AOPEP: variants seen among roughly 807,000 people sequenced by gnomAD.
The protein encoded by AOPEP is aminopeptidase O.
AOPEP carries 77 observed loss-of-function variants against 98.1 expected under a neutral mutation model. That is an observed-to-expected ratio of 0.78 (90% CI 0.65 to 0.95). The LOEUF is 0.95. Among genes scored for constraint, AOPEP ranks in the 40% least tolerant of loss-of-function variants. The probability of loss-of-function intolerance (pLI) is 0.00; values close to 1 mark genes in which losing one functional copy is unlikely to be tolerated. For synonymous variants in AOPEP, 346 were observed against 365.3 expected (o/e 0.95, Z 0.60); for missense variants, 1,024 against 1,024.7 (o/e 1.00, Z 0.01).
intron 5 of AOPEP, among the ~76,000 whole-genome samples, chr9:94,863,235 C>CCCTCCCCTCT (rs1489699739): frequency 6.6e-6 from 1 of 151,654 alleles, no homozygotes; most frequent in Non-Finnish European, 1.5e-5. Context: ...TCTTCCCCTC[C>CCCTCCCCTCT]CCTCCCCTCT....
At chr9:94,955,435 C>A (rs562929867) in intron 8 of AOPEP, among the ~76,000 whole-genome samples, 156 bp downstream of exon 8, 1 of 152,310 alleles carries the variant, frequency 6.6e-6, no homozygotes, top group South Asian at 2.1e-4. Context: ...TAAAGCACTT[C>A]ATGCCCAAAA....
At chr9:94,734,578 G>A (rs1249774922) in intron 1 of AOPEP, among the ~76,000 whole-genome samples, 1 of 152,226 alleles carries the variant, frequency 6.6e-6, no homozygotes, top group East Asian at 1.9e-4. Flanking sequence ...TAGCATCACT[G>A]AACTCTACAG....
chr9:94,836,425 G>T (rs1053168963), intron 5 of AOPEP, among the ~76,000 whole-genome samples: 1 of 151,924 alleles, frequency 6.6e-6, no homozygotes, highest in Admixed American at 6.6e-5. Context: ...GGTATTTAGG[G>T]GTATCTCATT....
At chr9:95,108,049 C>T in the AOPEP span, among the ~76,000 whole-genome samples, 3 of 152,216 alleles carry the variant, frequency 2.0e-5, no homozygotes, top group East Asian at 1.9e-4. Context: ...ACATGGAACT[C>T]GTGAACAGCT....
At position 95,080,730 on chromosome 9, in the gene AOPEP, A is replaced by G. The variant is rs746352676; in HGVS notation, c.2269A>G (p.Lys757Glu). Residue 757 changes from lysine to glutamate, a missense_variant, in exon 15 of 17, where the codon AAG (lysine) becomes GAG (glutamate). Around this residue, in one of 3 missense-constraint regions of AOPEP, gnomAD observed 566 missense variants for 551.7 expected, o/e 1.03. Transcript: ENST00000375315. ...HRWCELIVKH[K>E]FTKAYKSVER... The stretch of plus-strand genomic sequence containing the variant: ...GTGGTGTGAACTCATTGTTAAGCAC[A>G]AGTTCACGAAAGCCTACAAAAGTGT... 3 of 1,614,026 alleles carry G rather than the reference A, an allele frequency of 1.9e-6. No individual in the cohort carries two copies. Among genetic ancestry groups the G allele is most frequent in the Non-Finnish European group, 2.5e-6 (3 of 1,179,988 alleles).
At chr9:95,121,333 A>C in the AOPEP span, among the ~76,000 whole-genome samples, 1 of 152,186 alleles carries the variant, frequency 6.6e-6, no homozygotes, top group African/African-American at 2.4e-5. Flanking sequence ...AACAGGGACA[A>C]GAGGAAAGGG....
At chr9:94,970,239 A>C (rs1402131609) in intron 10 of AOPEP, among the ~76,000 whole-genome samples, 1 of 152,132 alleles carries the variant, frequency 6.6e-6, no homozygotes, top group African/African-American at 2.4e-5. Context: ...CATGCATACC[A>C]TGTGGAATTA....
At chr9:95,146,611 T>C in the AOPEP span, among the ~76,000 whole-genome samples, 1,470 of 152,132 alleles carry the variant, frequency 9.7e-3, 22 homozygotes, top group African/African-American at 0.034. Context: ...TAAAATCACA[T>C]TGCATGTATA....
At chr9:94,932,181 C>T in intron 7 of AOPEP, 1 of 989,768 alleles carries the variant, frequency 1.0e-6, no homozygotes, top group Non-Finnish European at 1.2e-6. Context: ...GTATCTTGGG[C>T]TCTGGAAGGA....
chr9:95,067,611 A>G (rs1431266835), intron 14 of AOPEP, among the ~76,000 whole-genome samples: 1 of 152,226 alleles, frequency 6.6e-6, no homozygotes, highest in South Asian at 2.1e-4. Context: ...TAGACTGTGT[A>G]GAATAGTACC....
chr9:94,803,964 A>C (rs1272235109), intron 5 of AOPEP, among the ~76,000 whole-genome samples: 1 of 152,186 alleles, frequency 6.6e-6, no homozygotes, highest in Non-Finnish European at 1.5e-5. Context: ...GACTACTATG[A>C]TGTCTGTATG....
At chr9:95,076,920 A>C (rs1478840174) in intron 14 of AOPEP, among the ~76,000 whole-genome samples, 1 of 152,214 alleles carries the variant, frequency 6.6e-6, no homozygotes, top group Non-Finnish European at 1.5e-5. Context: ...CCCCAGCTGG[A>C]CTTTGTCCAG....
At chr9:95,098,866 CCT>C in the AOPEP span, among the ~76,000 whole-genome samples, 2 of 152,318 alleles carry the variant, frequency 1.3e-5, no homozygotes, top group Admixed American at 6.5e-5. Flanking sequence ...CCTCCTGCTT[CCT>C]CCTTGGTGAC....
At chr9:94,900,802 C>T (rs1280918497) in intron 5 of AOPEP, 3 of 152,164 alleles carry the variant, frequency 2.0e-5, no homozygotes, top group Non-Finnish European at 4.4e-5. Flanking sequence ...GTGTTTTCTA[C>T]TTAGCTTTGA....
intron 10 of AOPEP, among the ~76,000 whole-genome samples, chr9:94,971,660 C>G (rs1433949560): frequency 6.6e-6 from 1 of 152,202 alleles, no homozygotes; most frequent in Non-Finnish European, 1.5e-5. Flanking sequence ...CCGGCACTCT[C>G]TAGGCCTTAC....
rs550720053 is a variant in AOPEP at position 94,845,100 on chromosome 9, ATTTAATATG to A, written c.1364+44101_1364+44109del. On this transcript the variant is annotated intron_variant, in intron 5 of 16. Coordinates refer to ENST00000375315, the MANE Select transcript of AOPEP (RefSeq NM_001193329.3). The stretch of plus-strand genomic sequence containing the variant: ...GAGACAAATAGGCAGATGCATGAAT[ATTTAATATG>A]TTCTTAGGTAATGAAAGCACTATGA... Among the ~76,000 whole-genome samples the A allele has an allele frequency of 1.3e-4, 20 of 152,350 alleles. No homozygotes were observed. The South Asian group carries it at 3.9e-3, about 30-fold the overall frequency.
chr9:94,874,770 G>A lies in AOPEP; in HGVS notation c.1365-49216G>A, dbSNP rs1236732276. On this transcript the variant is annotated intron_variant, in intron 5 of 16. Coordinates refer to ENST00000375315, the MANE Select transcript of AOPEP (RefSeq NM_001193329.3). ...ATGCTACGACTCAAAAACCAGAGAC[G>A]GAAATCTCTACATATTTTGAACAGT... Among the ~76,000 whole-genome samples, 6 of 152,140 alleles carry A rather than the reference G, an allele frequency of 3.9e-5. No individual in the cohort carries two copies. The East Asian group carries it at 1.2e-3, about 29-fold the overall frequency.
chr9:94,962,721 T>C (rs1465400509), intron 9 of AOPEP, among the ~76,000 whole-genome samples: 1 of 149,956 alleles, frequency 6.7e-6, no homozygotes, highest in Non-Finnish European at 1.5e-5. Flanking sequence ...AGCATTTCAA[T>C]ATTATCATCT....
chr9:94,934,183 T>C (rs976110792), intron 7 of AOPEP, among the ~76,000 whole-genome samples: 3 of 152,158 alleles, frequency 2.0e-5, no homozygotes, highest in Non-Finnish European at 4.4e-5. Flanking sequence ...CCCTGCCCAG[T>C]GCACCAGCTA....
Sources: gnomAD v4.1 joint callset for allele counts (sites outside exome capture counted in the v4.1 genomes callset) on GRCh38, gnomAD v4.1.1 for gene constraint, gnomAD v4.1.1 regional missense constraint, MANE v1.5 for transcripts, NCBI Gene and HGNC (gene_info 2026-07-23, HGNC 2026-07-21) for gene names.